The following ARHGEF10 variants were observed in gnomAD, a reference collection of about 807,000 sequenced individuals.
ARHGEF10 encodes the protein Rho guanine nucleotide exchange factor (GEF) 10.
ARHGEF10 carries 140 observed loss-of-function variants against 147.4 expected under a neutral mutation model. The ratio of observed to expected loss-of-function variants is 0.95; its 90% CI spans 0.83 to 1.09. The LOEUF is 1.09. ARHGEF10 is among the 50% of genes least tolerant of loss of function. The pLI is 0.00. For missense variants in ARHGEF10, 2,222 were observed against 1,752.7 expected, an observed-to-expected ratio of 1.27 and a Z score of -4.78; for synonymous variants, 902 against 695.8, an observed-to-expected ratio of 1.30 and a Z score of -4.67.
chr8:1,833,786 G>T lies in ARHGEF10; in HGVS notation c.-47-9567G>T, dbSNP rs190806191. On this transcript the variant is annotated intron_variant, in intron 1 of 28. Coordinates refer to ENST00000349830, the MANE Select transcript of ARHGEF10 (RefSeq NM_014629.4). ...CTGCCTTCTTTAGGAAGCCCTCCTG[G>T]CCGCTGACCCCCATCCCCAGCTCCC... Among the ~76,000 whole-genome samples, 16 of 152,324 alleles carry T rather than the reference G, an allele frequency of 1.1e-4. No homozygotes were observed. In the East Asian group the frequency reaches 3.1e-3, roughly 29 times the overall value.
intron 27 of ARHGEF10, chr8:1,945,934 G>T (rs959115464): frequency 1.7e-6 from 1 of 593,072 alleles, no homozygotes; most frequent in Non-Finnish European, 3.0e-6. Context: ...TGCCATCTCT[G>T]TAGGTCAGAG....
chr8:1,865,851 C>T (rs1363832949), intron 5 of ARHGEF10, among the ~76,000 whole-genome samples: 1 of 152,244 alleles, frequency 6.6e-6, no homozygotes, highest in Non-Finnish European at 1.5e-5. Context: ...CATCCTTGCA[C>T]AGCTCCCCAC....
At chr8:1,867,779 A>C (rs961996433) in intron 6 of ARHGEF10, among the ~76,000 whole-genome samples, 1 of 152,128 alleles carries the variant, frequency 6.6e-6, no homozygotes, top group Non-Finnish European at 1.5e-5. Context: ...ACTAATTTCT[A>C]TGTTACTGTT....
chr8:1,835,203 C>A (rs1220184415), intron 1 of ARHGEF10, among the ~76,000 whole-genome samples: 2 of 152,194 alleles, frequency 1.3e-5, no homozygotes, highest in African/African-American at 4.8e-5. Flanking sequence ...GATAGGAAAC[C>A]GACCAGGGGG....
intron 18 of ARHGEF10, among the ~76,000 whole-genome samples, chr8:1,910,919 AT>A (rs1257069366): frequency 6.6e-6 from 1 of 152,176 alleles, no homozygotes; most frequent in African/African-American, 2.4e-5. Context: ...ATATTTTCTT[AT>A]TCATCTTATT....
chr8:1,869,569 C>A, intron 7 of ARHGEF10: 1 of 466,356 alleles, frequency 2.1e-6, no homozygotes. Context: ...TAAATGACAT[C>A]AGTGAGAAAG....
chr8:1,952,772 G>A lies in ARHGEF10; in HGVS notation c.3465G>A (p.Leu1155=), dbSNP rs1311563334. 6.2e-7 allele frequency: 1 copy of A among 1,613,500 alleles called. No homozygotes were observed. Among genetic ancestry groups the A allele is most frequent in the Non-Finnish European group, 8.5e-7 (1 of 1,180,056 alleles). The part of the protein sequence containing the change: ...CHGLLMVGTS[L]GVLVALPVPR... ...GATTGCTGATGGTCGGCACCAGCCTGGGAGTCCTCGTGGCCCTGCCGGTCC... is the reference window on the plus strand; with the variant it reads ...GATTGCTGATGGTCGGCACCAGCCTAGGAGTCCTCGTGGCCCTGCCGGTCC... Residue 1155 remains leucine (L), a synonymous_variant, in exon 28 of 29, where the codon CTG becomes CTA. Transcript: ENST00000349830.
At chr8:1,874,501 T>C (rs960440170) in intron 7 of ARHGEF10, among the ~76,000 whole-genome samples, 20 of 152,238 alleles carry the variant, frequency 1.3e-4, no homozygotes, top group Admixed American at 1.3e-3. Flanking sequence ...TAGACTTGTT[T>C]TGTATGGACC....
intron 1 of ARHGEF10, 105 bp from the exon 2 acceptor site, chr8:1,843,248 A>G (rs750063115): frequency 3.2e-5 from 25 of 784,410 alleles, no homozygotes; most frequent in Non-Finnish European, 5.4e-5. Context: ...TAGTAATGAC[A>G]GTTAGCTCTT....
In ARHGEF10 at chr8:1,948,402, C is replaced by T. The variant is rs117933093; in HGVS notation, c.3397+2747C>T. ...CCGTGCTTCTCGTTGGCAGGTTTCT[C>T]CGGCATTTCGGTACTAAGTTGGAAA... is the stretch of plus-strand genomic sequence containing the variant. On this transcript the variant is annotated intron_variant, in intron 27 of 28. Transcript: ENST00000349830. This position sits in a 1 kb window ranked among gnomAD's most constrained non-coding sequence, Gnocchi z 4.9. 0.028 allele frequency among the ~76,000 whole-genome samples: 4,232 copies of T among 152,302 alleles called. 80 individuals carry two copies. Among genetic ancestry groups the T allele is most frequent in the Non-Finnish European group, 0.036 (2,465 of 68,022 alleles).
At chr8:1,891,527 G>A (rs1041549984) in intron 11 of ARHGEF10, among the ~76,000 whole-genome samples, 4 of 152,144 alleles carry the variant, frequency 2.6e-5, no homozygotes, top group African/African-American at 7.2e-5. Flanking sequence ...GTGAGGACAT[G>A]AGGAAGGTCA....
At chr8:1,868,124 T>C (rs1412915782) in intron 6 of ARHGEF10, among the ~76,000 whole-genome samples, 3 of 152,110 alleles carry the variant, frequency 2.0e-5, no homozygotes, top group African/African-American at 7.2e-5. Context: ...CTAAGAGGAG[T>C]AGAAATCTTT....
At chr8:1,932,487 G>C (rs1328526727) in intron 25 of ARHGEF10, among the ~76,000 whole-genome samples, 1 of 150,850 alleles carries the variant, frequency 6.6e-6, no homozygotes, top group African/African-American at 2.5e-5. Context: ...ACATGTGCAC[G>C]TGTGTGTGTG....
chr8:1,844,119 G>C (rs185994899), intron 2 of ARHGEF10, among the ~76,000 whole-genome samples: 1 of 152,178 alleles, frequency 6.6e-6, no homozygotes. Context: ...CATGGGCCTG[G>C]TGTCCGTTGC....
At chr8:1,912,853 C>G (rs1811473891) in intron 18 of ARHGEF10, among the ~76,000 whole-genome samples, 1 of 152,154 alleles carries the variant, frequency 6.6e-6, no homozygotes, top group African/African-American at 2.4e-5. Context: ...TGCCAGCCTC[C>G]CCGATTGGGA....
chr8:1,881,189 C>T (rs942597650), intron 9 of ARHGEF10, among the ~76,000 whole-genome samples: 1 of 152,104 alleles, frequency 6.6e-6, no homozygotes, highest in Non-Finnish European at 1.5e-5. Flanking sequence ...CCAGCACGCT[C>T]GCTTCCCCTG....
chr8:1,898,375 G>C (rs1043791820), intron 14 of ARHGEF10, 58 bp from the exon 15 acceptor site: 2 of 1,506,516 alleles, frequency 1.3e-6, no homozygotes, highest in Non-Finnish European at 1.8e-6. Flanking sequence ...GGCGGCCCCA[G>C]GGGCAGGGAG....
chr8:1,919,701 T>A (rs1812080798), intron 18 of ARHGEF10, among the ~76,000 whole-genome samples: 1 of 138,244 alleles, frequency 7.2e-6, no homozygotes, highest in South Asian at 2.4e-4. Context: ...GTTTTGTGGG[T>A]GATGGAGCTG....
chr8:1,879,276 G>C (rs536030669), intron 8 of ARHGEF10, among the ~76,000 whole-genome samples: 4 of 152,138 alleles, frequency 2.6e-5, no homozygotes, highest in African/African-American at 7.2e-5. Context: ...GTGATCTCAG[G>C]TTGGAGACCC....
Sources: allele counts gnomAD v4.1 joint callset (sites outside exome capture counted in the v4.1 genomes callset), GRCh38; gene constraint gnomAD v4.1.1; non-coding constraint Gnocchi (gnomAD v3.1); transcripts MANE v1.5; gene names NCBI Gene and HGNC (gene_info 2026-07-23, HGNC 2026-07-21).